The following MGAT4C variants were observed in gnomAD, a reference collection of about 807,000 sequenced individuals.
MGAT4C encodes alpha-1,3-mannosyl-glycoprotein 4-beta-N-acetylglucosaminyltransferase C.
Under a neutral mutation model 40.1 loss-of-function variants are expected in MGAT4C, and 19 were observed. The observed-to-expected ratio is 0.47, with a 90% confidence interval of 0.33 to 0.70. The LOEUF is 0.70. Among genes scored for constraint, MGAT4C ranks in the 30% least tolerant of loss-of-function variants. The pLI is 0.02. For missense variants in MGAT4C, 491 were observed against 563.2 expected (o/e 0.87, Z 1.30); for synonymous variants, 181 against 187.1 (o/e 0.97, Z 0.27).
intron 4 of MGAT4C, among the ~76,000 whole-genome samples, chr12:86,320,584 G>GA (rs1954359607): frequency 6.6e-6 from 1 of 152,056 alleles, no homozygotes; most frequent in African/African-American, 2.4e-5. Context: ...ATGTACTATA[G>GA]AAAATCACTT....
chr12:86,713,942 A>G (rs1434474734), intron 2 of MGAT4C, among the ~76,000 whole-genome samples: 1 of 151,990 alleles, frequency 6.6e-6, no homozygotes, highest in African/African-American at 2.4e-5. Flanking sequence ...GTAGACAGGT[A>G]TGCTAGAAGC....
At position 85,962,247 on chromosome 12, in the gene MGAT4C, C is replaced by T. The variant is rs1200055662; in HGVS notation, c.*17042G>A. ...TTCATTCATGTAGTATTTTCACATG[C>T]ATTCTGGTCTAAATATCCCAACATA... On this transcript the variant is annotated 3_prime_UTR_variant, in exon 5 of 5. Coordinates refer to ENST00000611864, the MANE Select transcript of MGAT4C (RefSeq NM_001351288.2). 1 of 151,600 alleles carries T rather than the reference C, an allele frequency of 6.6e-6. No individual in the cohort carries two copies. The highest frequency in any genetic ancestry group is 1.5e-5 in the Non-Finnish European group (1 of 67,694). The allele number at this position is 151,600 out of a possible 1,614,324, so 9.4% of individuals were successfully genotyped here.
chr12:86,820,415 A>C (rs1036702497), intron 1 of MGAT4C, among the ~76,000 whole-genome samples: 1 of 150,942 alleles, frequency 6.6e-6, no homozygotes, highest in Admixed American at 6.6e-5. Flanking sequence ...TGACACCATC[A>C]ATCAATTCCT....
intron 1 of MGAT4C, among the ~76,000 whole-genome samples, chr12:86,154,078 T>TATTGGGACAAAA (rs1742777295): frequency 6.6e-6 from 1 of 152,198 alleles, no homozygotes; most frequent in Non-Finnish European, 1.5e-5. Flanking sequence ...ACATTTACCA[T>TATTGGGACAAAA]CACAAAGTAG....
intron 3 of MGAT4C, among the ~76,000 whole-genome samples, chr12:86,381,082 C>T (rs1472303453): frequency 6.6e-6 from 1 of 151,932 alleles, no homozygotes; most frequent in Non-Finnish European, 1.5e-5. Flanking sequence ...AGCAGGTGAA[C>T]AGTATTCATT....
chr12:86,288,517 T>G (rs1221436174), intron 4 of MGAT4C, among the ~76,000 whole-genome samples: 1 of 152,202 alleles, frequency 6.6e-6, no homozygotes, highest in Admixed American at 6.5e-5. Flanking sequence ...TTGAGTTAAT[T>G]TTTGTATACG....
intron 1 of MGAT4C, among the ~76,000 whole-genome samples, chr12:86,070,093 T>G (rs958742600): frequency 2.0e-5 from 3 of 151,852 alleles, no homozygotes; most frequent in Non-Finnish European, 4.4e-5. Context: ...CATTGGATTT[T>G]TTTTTTTTTT....
At chr12:86,760,413 C>T (rs1037591734) in intron 1 of MGAT4C, among the ~76,000 whole-genome samples, 3 of 151,556 alleles carry the variant, frequency 2.0e-5, no homozygotes, top group Admixed American at 6.6e-5. Flanking sequence ...GTAGCTTTTC[C>T]AAGTAGCAAA....
chr12:86,116,996 A>G (rs1046559004), intron 1 of MGAT4C, among the ~76,000 whole-genome samples: 2 of 152,150 alleles, frequency 1.3e-5, no homozygotes, highest in African/African-American at 4.8e-5. Context: ...TTGGAATAAT[A>G]TTAATGGTAA....
intron 3 of MGAT4C, among the ~76,000 whole-genome samples, chr12:86,357,927 T>G (rs1955355238): frequency 6.6e-6 from 1 of 152,160 alleles, no homozygotes; most frequent in South Asian, 2.1e-4. Context: ...CCAGGAGAAC[T>G]TCCCCAACCT....
chr12:86,695,154 T>C (rs141260200), intron 2 of MGAT4C, among the ~76,000 whole-genome samples: 1 of 152,190 alleles, frequency 6.6e-6, no homozygotes. Context: ...ATGGCAAACA[T>C]ACATATGAAA....
chr12:86,442,994 T>C (rs959225889), intron 2 of MGAT4C, among the ~76,000 whole-genome samples: 2 of 152,130 alleles, frequency 1.3e-5, no homozygotes, highest in Non-Finnish European at 2.9e-5. Flanking sequence ...TTAAGTTGTG[T>C]ACATTGTTCT....
chr12:86,827,599 A>G (rs1458243004), intron 1 of MGAT4C, among the ~76,000 whole-genome samples: 1 of 151,398 alleles, frequency 6.6e-6, no homozygotes, highest in African/African-American at 2.4e-5. Flanking sequence ...ACTTAGAGAA[A>G]TGTATACTTA....
intron 1 of MGAT4C, among the ~76,000 whole-genome samples, chr12:86,250,216 T>G (rs139088577): frequency 6.6e-6 from 1 of 152,094 alleles, no homozygotes; most frequent in Non-Finnish European, 1.5e-5. Flanking sequence ...ATAACCTAAT[T>G]TAAACATTAC....
intron 3 of MGAT4C, among the ~76,000 whole-genome samples, chr12:85,987,467 CT>C (rs1255655043): frequency 6.6e-6 from 1 of 152,072 alleles, no homozygotes; most frequent in Non-Finnish European, 1.5e-5. Flanking sequence ...AAGAAGCAAT[CT>C]GTTTTCTGCA....
At chr12:86,528,517 T>G (rs1338747649) in intron 2 of MGAT4C, among the ~76,000 whole-genome samples, 1 of 152,060 alleles carries the variant, frequency 6.6e-6, no homozygotes, top group Non-Finnish European at 1.5e-5. Context: ...TAATTTTTCT[T>G]TAGTATAGAA....
chr12:86,132,673 T>C (rs1316880248), intron 1 of MGAT4C, among the ~76,000 whole-genome samples: 1 of 151,316 alleles, frequency 6.6e-6, no homozygotes, highest in Non-Finnish European at 1.5e-5. Context: ...ATGCCTGTAG[T>C]CCCAGCTACT....
chr12:86,727,140 G>A (rs997845447), intron 2 of MGAT4C: 5 of 152,040 alleles, frequency 3.3e-5, no homozygotes, highest in African/African-American at 1.2e-4. Flanking sequence ...GACACTAAGT[G>A]TTTAAAGCAA....
intron 2 of MGAT4C, among the ~76,000 whole-genome samples, chr12:86,593,110 C>T (rs1961397522): frequency 6.6e-6 from 1 of 151,098 alleles, no homozygotes; most frequent in Non-Finnish European, 1.5e-5. Flanking sequence ...TCTCTGGTTT[C>T]CTTGATTTTT....
Sources: allele counts gnomAD v4.1 joint callset (sites outside exome capture counted in the v4.1 genomes callset), GRCh38; gene constraint gnomAD v4.1.1; transcripts MANE v1.5; gene names NCBI Gene and HGNC (gene_info 2026-07-23, HGNC 2026-07-21).